DCLK1: variants seen among roughly 807,000 people sequenced by gnomAD.
DCLK1 encodes serine/threonine-protein kinase DCLK1.
DCLK1 carries 16 observed loss-of-function variants against 86.2 expected under a neutral mutation model. The ratio of observed to expected loss-of-function variants is 0.19; its 90% CI spans 0.13 to 0.28. The LOEUF (loss-of-function observed/expected upper bound fraction) is 0.28. DCLK1 is among the 10% of genes least tolerant of loss of function. The pLI, the probability that DCLK1 is intolerant of heterozygous loss-of-function variation, is 1.00. For synonymous variants in DCLK1, 369 were observed against 370.5 expected (o/e 1.00, Z 0.05); for missense variants, 590 against 940.2 (o/e 0.63, Z 4.87).
At chr13:36,018,969 A>G (rs1881646055) in intron 3 of DCLK1, among the ~76,000 whole-genome samples, 1 of 152,146 alleles carries the variant, frequency 6.6e-6, no homozygotes, top group African/African-American at 2.4e-5. Context: ...ATATGTTACA[A>G]AATATTATAG....
At chr13:35,884,608 G>A (rs17053074) in intron 4 of DCLK1, among the ~76,000 whole-genome samples, 3,352 of 152,254 alleles carry the variant, frequency 0.022, 120 homozygotes, top group African/African-American at 0.076. Flanking sequence ...GTCTCCTTGG[G>A]TACGGCTCCT....
chr13:35,849,029 G>A (rs1870414902), intron 6 of DCLK1: 1 of 985,188 alleles, frequency 1.0e-6, no homozygotes, highest in South Asian at 4.7e-5. Flanking sequence ...AAGATGGAAT[G>A]TTTCAGTTTG....
intron 4 of DCLK1, among the ~76,000 whole-genome samples, chr13:35,938,235 A>G (rs1396868407): frequency 6.6e-6 from 1 of 152,188 alleles, no homozygotes; most frequent in East Asian, 1.9e-4. Flanking sequence ...AGCTCCCCTT[A>G]GAATGAGGGC....
In DCLK1 at chr13:35,797,937, C is replaced by T. The variant is rs115383608; in HGVS notation, c.1945-4458G>A. 6.7e-3 allele frequency among the ~76,000 whole-genome samples: 1,023 copies of T among 152,216 alleles called. 10 individuals are homozygous for T. The highest frequency in any genetic ancestry group is 0.023 in the African/African-American group (975 of 41,542). ...TAGATTATGTGCCAAAAATGTGCTA[C>T]GAATTTTCTAAACGTGACAAATCTG... On this transcript the variant is annotated intron_variant, in intron 15 of 16. Coordinates refer to ENST00000360631, the MANE Select transcript of DCLK1 (RefSeq NM_001330071.2).
At chr13:35,977,939 C>T (rs907759414) in intron 3 of DCLK1, among the ~76,000 whole-genome samples, 3 of 152,074 alleles carry the variant, frequency 2.0e-5, no homozygotes, top group African/African-American at 7.2e-5. Context: ...ACAGTGGGCA[C>T]AATTACATTG....
chr13:35,813,789 GA>G (rs1473191657), intron 11 of DCLK1, among the ~76,000 whole-genome samples: 1 of 130,874 alleles, frequency 7.6e-6, no homozygotes, highest in Non-Finnish European at 1.6e-5. Flanking sequence ...TGAACATAAA[GA>G]GGTTCAAGGG....
intron 15 of DCLK1, among the ~76,000 whole-genome samples, chr13:35,797,553 C>T (rs1020978368): frequency 2.0e-5 from 3 of 152,026 alleles, no homozygotes; most frequent in African/African-American, 4.8e-5. Flanking sequence ...ATGCAAGTAG[C>T]GAAACAAGTT....
At chr13:36,121,300 A>G (rs748739527) in intron 2 of DCLK1, among the ~76,000 whole-genome samples, 1 of 152,220 alleles carries the variant, frequency 6.6e-6, no homozygotes, top group Non-Finnish European at 1.5e-5. Context: ...GGCAAATTAC[A>G]GTACTGCCCC....
At chr13:35,980,289 T>C (rs1052276948) in intron 3 of DCLK1, among the ~76,000 whole-genome samples, 2 of 152,208 alleles carry the variant, frequency 1.3e-5, no homozygotes, top group Middle Eastern at 3.4e-3. Flanking sequence ...AACCCATCTC[T>C]GCTAAAAATA....
At chr13:35,984,654 G>A (rs1312687512) in intron 3 of DCLK1, among the ~76,000 whole-genome samples, 1 of 152,174 alleles carries the variant, frequency 6.6e-6, no homozygotes, top group Non-Finnish European at 1.5e-5. Context: ...AAAGGGAGGG[G>A]CAATAATATT....
At chr13:35,898,736 G>GTTTTTTCTTTT (rs1555348375) in intron 4 of DCLK1, among the ~76,000 whole-genome samples, 2 of 152,020 alleles carry the variant, frequency 1.3e-5, no homozygotes, top group African/African-American at 4.8e-5. Flanking sequence ...AACATGGTGG[G>GTTTTTTCTTTT]TTTTTTCTTT....
At chr13:35,867,728 T>A (rs972510916) in intron 5 of DCLK1, among the ~76,000 whole-genome samples, 1 of 152,052 alleles carries the variant, frequency 6.6e-6, no homozygotes, top group African/African-American at 2.4e-5. Flanking sequence ...ACCAGTTAAT[T>A]ATAAAATGAA....
chr13:36,125,556 A>C (rs994095208), intron 2 of DCLK1, among the ~76,000 whole-genome samples: 1 of 152,216 alleles, frequency 6.6e-6, no homozygotes, highest in Non-Finnish European at 1.5e-5. Context: ...TTCCCTTAGC[A>C]CATTATTATA....
chr13:35,832,768 T>C (rs1361042635), intron 8 of DCLK1, among the ~76,000 whole-genome samples: 1 of 152,182 alleles, frequency 6.6e-6, no homozygotes, highest in Non-Finnish European at 1.5e-5. Flanking sequence ...CATTCCACAG[T>C]GTCTTGTCAG....
Position 35,819,008 on chromosome 13 carries a change from T to C in DCLK1, c.1554+3721A>G, listed in dbSNP as rs552531469. The stretch of plus-strand genomic sequence containing the variant: ...GTCTAACAGGCCAGTTGGGAATGTT[T>C]TGGGCTTGCCAGGCGGCTCTGTCCT... On this transcript the variant is annotated intron_variant, in intron 11 of 16. Transcript: ENST00000360631. Among the ~76,000 whole-genome samples the C allele has an allele frequency of 6.6e-5, 10 of 152,198 alleles. No homozygotes were observed. In the East Asian group the frequency reaches 1.7e-3, roughly 27 times the overall value.
chr13:35,940,379 G>C (rs1390481356), intron 4 of DCLK1, among the ~76,000 whole-genome samples: 2 of 152,194 alleles, frequency 1.3e-5, no homozygotes, highest in Admixed American at 6.5e-5. Flanking sequence ...CACACTGCCT[G>C]GTACATAGTA....
At chr13:35,955,652 A>G (rs954822597) in intron 3 of DCLK1, among the ~76,000 whole-genome samples, 20 of 152,320 alleles carry the variant, frequency 1.3e-4, no homozygotes, top group Middle Eastern at 3.4e-3. Context: ...GCCACCTAAT[A>G]GATGTGTGAC....
At chr13:36,015,891 G>A (rs1021094344) in intron 3 of DCLK1, among the ~76,000 whole-genome samples, 2 of 152,132 alleles carry the variant, frequency 1.3e-5, no homozygotes, top group African/African-American at 2.4e-5. Flanking sequence ...CTGTCCTCAT[G>A]ACCATATTTA....
At chr13:36,105,525 GA>G (rs1885362854) in intron 3 of DCLK1, among the ~76,000 whole-genome samples, 1 of 152,128 alleles carries the variant, frequency 6.6e-6, no homozygotes, top group Non-Finnish European at 1.5e-5. Context: ...TTTCCAATAG[GA>G]GGATAAATTT....
Sources: allele counts gnomAD v4.1 joint callset (sites outside exome capture counted in the v4.1 genomes callset), GRCh38; gene constraint gnomAD v4.1.1; transcripts MANE v1.5; gene names NCBI Gene and HGNC (gene_info 2026-07-23, HGNC 2026-07-21).